The following ZMYND8 variants were observed in gnomAD, a reference collection of about 807,000 sequenced individuals.
ZMYND8 encodes zinc finger MYND-type containing 8.
In ZMYND8, 37 loss-of-function variants were observed where a neutral mutation model predicts 140.8. The ratio of observed to expected loss-of-function variants is 0.26; its 90% CI spans 0.20 to 0.35. The LOEUF is 0.35. Among genes scored for constraint, ZMYND8 ranks in the 10% least tolerant of loss-of-function variants. The pLI, the probability that ZMYND8 is intolerant of heterozygous loss-of-function variation, is 1.00. For synonymous variants in ZMYND8, 592 were observed against 597.1 expected (o/e 0.99, Z 0.12); for missense variants, 1,068 against 1,570.0 (o/e 0.68, Z 5.40).
At chr20:47,234,285 G>A (rs1016450370) in intron 16 of ZMYND8, among the ~76,000 whole-genome samples, 12 of 152,232 alleles carry the variant, frequency 7.9e-5, no homozygotes, top group Non-Finnish European at 1.2e-4. Context: ...CTGAGCTCAT[G>A]CAATCCACCC....
rs193242729 is a variant in ZMYND8 at position 47,229,964 on chromosome 20, G to A, written c.2857-158C>T. Among the ~76,000 whole-genome samples the A allele has an allele frequency of 1.1e-4, 17 of 152,298 alleles. No individual in the cohort carries two copies. In the East Asian group the frequency reaches 2.9e-3, roughly 26 times the overall value. Reference sequence around the variant, plus strand: ...GGCATTTCTGGTTGCCATGACAGGTGCAGGAGCAAGGAGAAGGAGCTGCTA... The same window carrying A: ...GGCATTTCTGGTTGCCATGACAGGTACAGGAGCAAGGAGAAGGAGCTGCTA... On this transcript the variant is annotated intron_variant, in intron 16 of 22. Transcript: ENST00000471951.
chr20:47,249,215 T>G (rs1051088345), intron 13 of ZMYND8, 72 bp downstream of exon 13: 1 of 1,534,646 alleles, frequency 6.5e-7, no homozygotes, highest in African/African-American at 1.4e-5. Context: ...CTTGATTTCA[T>G]CCAGGTGGTA....
chr20:47,295,355 T>G (rs935028416), intron 4 of ZMYND8, among the ~76,000 whole-genome samples: 2 of 152,228 alleles, frequency 1.3e-5, no homozygotes. Context: ...ATTGTGCCAC[T>G]GCACTCTAGC....
At chr20:47,315,018 A>T (rs1263533939) in intron 2 of ZMYND8, among the ~76,000 whole-genome samples, 1 of 152,214 alleles carries the variant, frequency 6.6e-6, no homozygotes, top group African/African-American at 2.4e-5. Context: ...TCACCTTTGC[A>T]AAGGTGTCCT....
At chr20:47,312,193 T>C (rs921332702) in intron 2 of ZMYND8, among the ~76,000 whole-genome samples, 3 of 152,184 alleles carry the variant, frequency 2.0e-5, no homozygotes, top group Non-Finnish European at 4.4e-5. Context: ...TCTCCCTGTC[T>C]GTAGGAGGGT....
chr20:47,236,187 G>T, intron 16 of ZMYND8, 139 bp downstream of exon 16: 2 of 968,488 alleles, frequency 2.1e-6, no homozygotes, highest in Admixed American at 2.6e-5. Flanking sequence ...TGGTCTTGGA[G>T]ATTCTGTTTT....
intron 1 of ZMYND8, among the ~76,000 whole-genome samples, chr20:47,354,886 C>T (rs1022443597): frequency 6.6e-6 from 1 of 152,074 alleles, no homozygotes; most frequent in African/African-American, 2.4e-5. Flanking sequence ...TTATGTGGGG[C>T]CAGCATGCAT....
In ZMYND8 at chr20:47,318,902, C is replaced by T. The variant is rs139920008; in HGVS notation, c.86-8698G>A. The T allele has an allele frequency of 2.1e-3, 2,774 of 1,306,298 alleles. 9 individuals carry two copies. The highest frequency in any genetic ancestry group is 6.8e-3 in the Middle Eastern group (32 of 4,700). The allele number at this position is 1,306,298 out of a possible 1,614,324, so 80.9% of individuals were successfully genotyped here. On this transcript the variant is annotated intron_variant, in intron 2 of 22. Transcript: ENST00000471951. ...ATTTCACCAGGAACATCAAGTACCT[C>T]GGAGGCAGAACATGCGAGGGGCAGG...
At chr20:47,293,679 C>G (rs181761830) in intron 5 of ZMYND8, among the ~76,000 whole-genome samples, 1 of 152,294 alleles carries the variant, frequency 6.6e-6, no homozygotes, top group East Asian at 1.9e-4. Flanking sequence ...CAAAGCTCCC[C>G]TTGCTGGGTG....
At chr20:47,255,151 C>T (rs2074496960) in intron 12 of ZMYND8, among the ~76,000 whole-genome samples, 1 of 152,008 alleles carries the variant, frequency 6.6e-6, no homozygotes, top group Non-Finnish European at 1.5e-5. Context: ...AAAAATATCT[C>T]CAGACACTGC....
At chr20:47,273,067 C>A (rs550937185) in intron 11 of ZMYND8, among the ~76,000 whole-genome samples, 1 of 152,344 alleles carries the variant, frequency 6.6e-6, no homozygotes, top group East Asian at 1.9e-4. Context: ...TTACACTCTG[C>A]ATGGCTCTCA....
At chr20:47,294,161 A>G (rs2077484058) in intron 5 of ZMYND8, among the ~76,000 whole-genome samples, 1 of 151,754 alleles carries the variant, frequency 6.6e-6, no homozygotes, top group South Asian at 2.1e-4. Context: ...CAGCCTGGCC[A>G]ACATGGTGAA....
chr20:47,351,309 A>G (rs753424553), intron 1 of ZMYND8, among the ~76,000 whole-genome samples: 1 of 152,186 alleles, frequency 6.6e-6, no homozygotes, highest in Non-Finnish European at 1.5e-5. Flanking sequence ...GAAAGCATCT[A>G]GTTTTGACAG....
Position 47,246,182 on chromosome 20 carries a change from G to A in ZMYND8, c.2110C>T (p.His704Tyr). Reference sequence around the variant, plus strand: ...CCCTTCAGTTTATCCTTTATGGGGTGAGGTGAAGGTTTTGCCTTTTCGGAA... The same window carrying A: ...CCCTTCAGTTTATCCTTTATGGGGTAAGGTGAAGGTTTTGCCTTTTCGGAA... Reference protein sequence around the residue: ...DFSEKAKPSPHPIKDKLKGKD... With the variant: ...DFSEKAKPSPYPIKDKLKGKD... Residue 704 changes from histidine (H) to tyrosine (Y), a missense_variant, in exon 14 of 23, where the codon CAC (histidine) becomes TAC (tyrosine). By Grantham distance (83) the His-to-Tyr change is moderately conservative (BLOSUM62 2). This residue lies in a region of ZMYND8 where 383 missense variants were observed against 431.2 expected (regional missense o/e 0.89). Transcript: ENST00000471951. 1.2e-6 allele frequency: 2 copies of A among 1,614,162 alleles called. No homozygotes were observed. The highest frequency in any genetic ancestry group is 2.2e-5 in the East Asian group (1 of 44,888).
chr20:47,352,601 T>A (rs2082880760), intron 1 of ZMYND8: 31 of 949,880 alleles, frequency 3.3e-5, no homozygotes, highest in Non-Finnish European at 3.9e-5. Flanking sequence ...GTTACAGGTC[T>A]GAGCATTGGC....
chr20:47,315,490 C>T (rs923958468), intron 2 of ZMYND8, among the ~76,000 whole-genome samples: 2 of 151,994 alleles, frequency 1.3e-5, no homozygotes, highest in Non-Finnish European at 1.5e-5. Flanking sequence ...ATTCGGTATC[C>T]TTCGGAGGGA....
At chr20:47,287,061 T>G (rs910322982) in intron 8 of ZMYND8, among the ~76,000 whole-genome samples, 168 bp downstream of exon 8, 1 of 152,152 alleles carries the variant, frequency 6.6e-6, no homozygotes, top group Admixed American at 6.5e-5. Context: ...TATAATATAC[T>G]CGGGCCCCTC....
In ZMYND8 at chr20:47,221,042, G is replaced by A. The variant is rs748385249; in HGVS notation, c.3417+272C>T. Among the ~76,000 whole-genome samples the A allele has an allele frequency of 2.0e-5, 3 of 152,188 alleles. No homozygotes were observed. In the South Asian group the frequency reaches 6.2e-4, roughly 31 times the overall value. On this transcript the variant is annotated intron_variant, in intron 20 of 22. Transcript: ENST00000471951. ...TAGCAGCTACCATTCTGGACGGGAA[G>A]TACAGAACATTTCCATCATCGCAGA...
At chr20:47,278,141 T>C (rs996726174) in intron 10 of ZMYND8, among the ~76,000 whole-genome samples, 8 of 152,164 alleles carry the variant, frequency 5.3e-5, no homozygotes, top group African/African-American at 1.9e-4. Flanking sequence ...ACCCAGATAA[T>C]TTTTTAACTT....
Sources: gnomAD v4.1 joint callset for allele counts (sites outside exome capture counted in the v4.1 genomes callset) on GRCh38, gnomAD v4.1.1 for gene constraint, gnomAD v4.1.1 regional missense constraint, MANE v1.5 for transcripts, NCBI Gene and HGNC (gene_info 2026-07-23, HGNC 2026-07-21) for gene names.